The following KCND3 variants were observed in gnomAD, a reference collection of about 807,000 sequenced individuals.
The protein encoded by KCND3 is potassium voltage-gated channel subfamily D member 3.
In KCND3, 9 loss-of-function variants were observed where a neutral mutation model predicts 51.1. The observed-to-expected ratio is 0.18, with a 90% confidence interval of 0.11 to 0.31. The LOEUF (loss-of-function observed/expected upper bound fraction) is 0.31. Ranked by LOEUF, KCND3 falls within the 10% of genes least tolerant of loss-of-function variation. The pLI is 1.00. For missense variants in KCND3, 526 were observed against 903.8 expected (o/e 0.58, Z 5.36); for synonymous variants, 349 against 368.0 (o/e 0.95, Z 0.59).
At chr1:111,815,400 C>T (rs1204909001) in intron 2 of KCND3, among the ~76,000 whole-genome samples, 1 of 151,868 alleles carries the variant, frequency 6.6e-6, no homozygotes, top group Non-Finnish European at 1.5e-5. Flanking sequence ...CTCTTCCCAA[C>T]TAGGCCTCCA....
chr1:111,987,510 G>C (rs1675349041), intron 1 of KCND3, among the ~76,000 whole-genome samples: 1 of 152,146 alleles, frequency 6.6e-6, no homozygotes, highest in South Asian at 2.1e-4. Context: ...TGTGTGTGGG[G>C]GTTGGGAGGT....
At chr1:111,894,604 A>AATGAAGGATGGCAGGC (rs1553252586) in intron 2 of KCND3, among the ~76,000 whole-genome samples, 1 of 152,130 alleles carries the variant, frequency 6.6e-6, no homozygotes, top group Non-Finnish European at 1.5e-5. Context: ...TCTTCCCGGG[A>AATGAAGGATGGCAGGC]ATGAAGGATG....
At chr1:111,856,568 C>T (rs967962823) in intron 2 of KCND3, among the ~76,000 whole-genome samples, 4 of 152,322 alleles carry the variant, frequency 2.6e-5, no homozygotes, top group Admixed American at 2.6e-4. Flanking sequence ...TCAGGCCAGA[C>T]CCCCCCTTGC....
At chr1:111,912,480 T>C (rs1671002858) in intron 2 of KCND3, among the ~76,000 whole-genome samples, 2 of 152,260 alleles carry the variant, frequency 1.3e-5, no homozygotes, top group African/African-American at 2.4e-5. Flanking sequence ...TACCAGTTAC[T>C]GTTATTTTAC....
At chr1:111,853,060 C>T (rs564414800) in intron 2 of KCND3, among the ~76,000 whole-genome samples, 3 of 152,312 alleles carry the variant, frequency 2.0e-5, no homozygotes, top group African/African-American at 4.8e-5. Flanking sequence ...CTGATCCTCA[C>T]GGCAATGCTA....
intron 2 of KCND3, among the ~76,000 whole-genome samples, chr1:111,874,501 G>A (rs1299639602): frequency 6.6e-6 from 1 of 152,144 alleles, no homozygotes; most frequent in Non-Finnish European, 1.5e-5. Flanking sequence ...TCTCCATCTC[G>A]GGAGAGCAGG....
chr1:111,982,256 C>T lies in KCND3; in HGVS notation c.471G>A (p.Gln157=), dbSNP rs1331482072. 6.2e-7 allele frequency: 1 copy of T among 1,614,038 alleles called. No individual in the cohort carries two copies. Among genetic ancestry groups the T allele is most frequent in the Non-Finnish European group, 8.5e-7 (1 of 1,180,038 alleles). The change falls in exon 2 of 8, where the codon CAG becomes CAA. Residue 157 remains glutamine, a synonymous_variant. Coordinates refer to ENST00000302127, the MANE Select transcript of KCND3 (RefSeq NM_001378969.1). The surrounding 1 kb of genome is among the most constrained non-coding windows in gnomAD (Gnocchi z 8.5). ...GGAAGCTGAGCGAGGGCATGGACTCCTGGTTGTTCTCCGAGTCGTTGTCGT... is the reference window on the plus strand; with the variant it reads ...GGAAGCTGAGCGAGGGCATGGACTCTTGGTTGTTCTCCGAGTCGTTGTCGT... ...LMDDNDSENN[Q]ESMPSLSFRQ...
rs1350994877 is a variant in KCND3 at position 111,780,762 on chromosome 1, G to C, written c.1299C>G (p.Ala433=). The C allele has an allele frequency of 3.7e-6, 6 of 1,613,348 alleles. No individual in the cohort carries two copies. Among genetic ancestry groups the C allele is most frequent in the Non-Finnish European group, 5.1e-6 (6 of 1,179,858 alleles). ...GGTATGCATTCGAACTGCCTGTTTT[G>C]GCCACACGGATCCTGGCAAGGCGGG... ...KKARLARIRV[A]KTGSSNAYLH... The change falls in exon 4 of 8, where the codon GCC becomes GCG. Residue 433 remains alanine (A), a synonymous_variant. Transcript: ENST00000302127. The surrounding 1 kb of genome is among the most constrained non-coding windows in gnomAD (Gnocchi z 4.2).
intron 2 of KCND3, among the ~76,000 whole-genome samples, chr1:111,904,545 C>T (rs965737081): frequency 2.0e-5 from 3 of 152,212 alleles, no homozygotes; most frequent in Non-Finnish European, 4.4e-5. Flanking sequence ...TAAGCCTTCC[C>T]ATGCTGAGCT....
intron 2 of KCND3, among the ~76,000 whole-genome samples, chr1:111,865,541 G>C (rs1668518014): frequency 6.6e-6 from 1 of 152,138 alleles, no homozygotes; most frequent in South Asian, 2.1e-4. Context: ...GAAGTTTTTT[G>C]TGTTTCTATA....
At chr1:111,861,339 G>A (rs1668332096) in intron 2 of KCND3, among the ~76,000 whole-genome samples, 1 of 152,110 alleles carries the variant, frequency 6.6e-6, no homozygotes, top group Non-Finnish European at 1.5e-5. Flanking sequence ...TCTAACTTCA[G>A]GCTGAGAGAT....
At chr1:111,916,694 G>T (rs899496683) in intron 2 of KCND3, among the ~76,000 whole-genome samples, 1 of 151,980 alleles carries the variant, frequency 6.6e-6, no homozygotes, top group African/African-American at 2.4e-5. Flanking sequence ...ACCAATACAA[G>T]ACATGAAAGA....
chr1:111,967,724 T>A (rs1443371451), intron 2 of KCND3, among the ~76,000 whole-genome samples: 1 of 152,246 alleles, frequency 6.6e-6, no homozygotes. Flanking sequence ...ACTGGGCTAA[T>A]GACCAGTTTA....
chr1:111,881,774 T>C (rs1669338816), intron 2 of KCND3, among the ~76,000 whole-genome samples: 1 of 152,210 alleles, frequency 6.6e-6, no homozygotes. Context: ...CTAGATGTCT[T>C]TGCATCCCTT....
intron 2 of KCND3, among the ~76,000 whole-genome samples, chr1:111,848,054 A>G (rs1667640203): frequency 6.6e-6 from 1 of 152,172 alleles, no homozygotes; most frequent in South Asian, 2.1e-4. Flanking sequence ...TTCTTGAGAC[A>G]TTGCCTGTGT....
At chr1:111,841,627 C>G (rs913328891) in intron 2 of KCND3, among the ~76,000 whole-genome samples, 3 of 152,182 alleles carry the variant, frequency 2.0e-5, no homozygotes, top group Non-Finnish European at 2.9e-5. Context: ...TACTACTTAT[C>G]TTTTGGGGTT....
chr1:111,936,342 C>T (rs1288891826), intron 2 of KCND3, among the ~76,000 whole-genome samples: 1 of 152,130 alleles, frequency 6.6e-6, no homozygotes, highest in African/African-American at 2.4e-5. Context: ...AGCAAGCAGA[C>T]CCTAGAACAG....
intron 3 of KCND3, among the ~76,000 whole-genome samples, chr1:111,783,309 T>C (rs1340630064): frequency 6.6e-6 from 1 of 151,854 alleles, no homozygotes; most frequent in Non-Finnish European, 1.5e-5. Context: ...GACCAAATGA[T>C]GCTTCCAGAA....
At chr1:111,871,852 G>A (rs1225702879) in intron 2 of KCND3, among the ~76,000 whole-genome samples, 1 of 152,156 alleles carries the variant, frequency 6.6e-6, no homozygotes, top group Non-Finnish European at 1.5e-5. Flanking sequence ...GAGAGAGCAG[G>A]TGAAGAGAGG....
Sources: allele counts gnomAD v4.1 joint callset (sites outside exome capture counted in the v4.1 genomes callset), GRCh38; gene constraint gnomAD v4.1.1; non-coding constraint Gnocchi (gnomAD v3.1); transcripts MANE v1.5; gene names NCBI Gene and HGNC (gene_info 2026-07-23, HGNC 2026-07-21).